The following CLASP2 variants were observed in gnomAD, a reference collection of about 807,000 sequenced individuals.
The protein encoded by CLASP2 is CLIP-associating protein 2.
Under a neutral mutation model 194.4 loss-of-function variants are expected in CLASP2, and 47 were observed. The observed-to-expected ratio is 0.24, with a 90% CI of 0.19 to 0.31. CLASP2 has a LOEUF of 0.31. Ranked by LOEUF, CLASP2 falls within the 10% of genes least tolerant of loss-of-function variation. The pLI is 1.00. For missense variants in CLASP2, 1,445 were observed against 1,823.6 expected (o/e 0.79, Z 3.78); for synonymous variants, 619 against 633.5 (o/e 0.98, Z 0.34).
intron 1 of CLASP2, among the ~76,000 whole-genome samples, chr3:33,699,872 CAAA>C (rs34347002): frequency 1.1e-5 from 1 of 93,920 alleles, no homozygotes; most frequent in Non-Finnish European, 2.3e-5. Flanking sequence ...ATTGTACTAC[CAAA>C]AAAAAAAAAA....
chr3:33,717,885 C>A lies in CLASP2; in HGVS notation c.118G>T (p.Asp40Tyr). The A allele has an allele frequency of 6.4e-7, 1 of 1,559,472 alleles. No individual in the cohort carries two copies. Among genetic ancestry groups the A allele is most frequent in the African/African-American group, 1.4e-5 (1 of 73,676 alleles). ...LYLGAPGAIS[D>Y]LEEDLGRLGK... ...AGGCGGCCCAGGTCCTCCTCCAGGT[C>A]CGAGATGGCGCCGGGGGCGCCAAGG... is the stretch of plus-strand genomic sequence containing the variant. The change falls in exon 1 of 39, where the codon GAC becomes TAC. Residue 40 changes from aspartate to tyrosine, a missense_variant. By Grantham distance (160) the Asp-to-Tyr change is radical. This residue lies in a region of CLASP2 where 332 missense variants were observed against 325.3 expected (regional missense o/e 1.02). Transcript: ENST00000682230.
intron 7 of CLASP2, chr3:33,658,943 A>G (rs2084798020): frequency 3.9e-6 from 6 of 1,519,018 alleles, no homozygotes; most frequent in Middle Eastern, 3.3e-4. Context: ...TGTATAACAC[A>G]AGCAAAAGAA....
intron 37 of CLASP2, chr3:33,502,726 C>T (rs2047121365): frequency 6.6e-6 from 1 of 152,256 alleles, no homozygotes; most frequent in Admixed American, 6.5e-5. Context: ...GAGCTCATCT[C>T]CACTAAAATC....
At chr3:33,504,985 T>A (rs768179852) in intron 37 of CLASP2, 1 of 152,206 alleles carries the variant, frequency 6.6e-6, no homozygotes, top group Non-Finnish European at 1.5e-5. Context: ...TTTTGGTGGA[T>A]TCCTCAGTAC....
At chr3:33,565,515 T>C (rs2062561402) in intron 27 of CLASP2, among the ~76,000 whole-genome samples, 1 of 151,972 alleles carries the variant, frequency 6.6e-6, no homozygotes, top group Non-Finnish European at 1.5e-5. Flanking sequence ...TACTTTATTA[T>C]AATAATACAG....
chr3:33,577,227 G>A (rs558277186), intron 23 of CLASP2: 108 of 1,597,862 alleles, frequency 6.8e-5, no homozygotes, highest in South Asian at 1.5e-4. Context: ...CTTCGGGGGC[G>A]TAGAGGGCAC....
At chr3:33,574,203 A>G (rs984246185) in intron 24 of CLASP2, among the ~76,000 whole-genome samples, 4 of 152,142 alleles carry the variant, frequency 2.6e-5, no homozygotes, top group African/African-American at 9.6e-5. Context: ...TGAGTGGTGA[A>G]GATGTCTATA....
In CLASP2 at chr3:33,510,730, A is replaced by C. The variant is rs766979627; in HGVS notation, c.4145T>G (p.Leu1382Trp). ...CTGCTCTGGACTAATTGAAGTGGCC[A>C]ACACTGATGCCGCTTCCTCAGCAGA... ...VRSAEEAASV[L>W]ATSISPEQCI... The change falls in exon 37 of 39, where the codon TTG (leucine) becomes TGG (tryptophan). Residue 1382 changes from leucine (L) to tryptophan (W), a missense_variant. Leu to Trp is a moderately conservative substitution (Grantham distance 61). This residue lies in a region of CLASP2 where 732 missense variants were observed against 987.9 expected (regional missense o/e 0.74). Transcript: ENST00000682230. 2 of 1,612,872 alleles carry C rather than the reference A, an allele frequency of 1.2e-6. No individual in the cohort carries two copies. The highest frequency in any genetic ancestry group is 2.2e-5 in the East Asian group (1 of 44,856).
chr3:33,510,513 C>A, intron 37 of CLASP2, 45 bp downstream of exon 37: 1 of 1,567,336 alleles, frequency 6.4e-7, no homozygotes, highest in Non-Finnish European at 8.8e-7. Flanking sequence ...ATAACTGTAT[C>A]CCAAATGTAT....
intron 29 of CLASP2, among the ~76,000 whole-genome samples, chr3:33,555,079 G>C (rs748130488): frequency 7.9e-5 from 12 of 152,000 alleles, no homozygotes; most frequent in Non-Finnish European, 1.8e-4. Context: ...TGAATTTTAT[G>C]TATTCTTACC....
chr3:33,686,765 G>C (rs974564153), intron 5 of CLASP2, among the ~76,000 whole-genome samples: 1 of 152,158 alleles, frequency 6.6e-6, no homozygotes, highest in African/African-American at 2.4e-5. Context: ...TAACATACAG[G>C]TAGACTGTAG....
chr3:33,574,907 T>A (rs1441797117), intron 24 of CLASP2, among the ~76,000 whole-genome samples: 1 of 152,130 alleles, frequency 6.6e-6, no homozygotes, highest in Non-Finnish European at 1.5e-5. Context: ...CAGAATCAGA[T>A]TACTGGGAGT....
rs57112524 is a variant in CLASP2 at position 33,548,763 on chromosome 3, CTT to C, written c.3153+2487_3153+2488del. Among the ~76,000 whole-genome samples, 440 of 93,104 alleles carry C rather than the reference CTT, an allele frequency of 4.7e-3. 1 individual carries two copies. The highest frequency in any genetic ancestry group is 0.018 in the African/African-American group (415 of 23,558). 61.1% of individuals were successfully genotyped at this position (93,104 alleles called of 152,430 possible). A position where few individuals can be genotyped will look rare whatever the true frequency, so the allele number is the denominator to read the frequency against. On this transcript the variant is annotated intron_variant, in intron 30 of 38. Transcript: ENST00000682230. ...ATAGGTAACGACTACGGTTTCATTT[CTT>C]TTTTTTTTTTTTTTTTTTTTTGAGT...
intron 20 of CLASP2, 102 bp downstream of exon 20, chr3:33,594,849 T>C (rs1023230948): frequency 8.6e-6 from 5 of 578,150 alleles, no homozygotes; most frequent in African/African-American, 3.9e-5. Flanking sequence ...TTATAAAGAG[T>C]TGCAAAGAAA....
At chr3:33,663,000 T>A (rs2085529366) in intron 7 of CLASP2, among the ~76,000 whole-genome samples, 1 of 152,028 alleles carries the variant, frequency 6.6e-6, no homozygotes, top group African/African-American at 2.4e-5. Flanking sequence ...ATGAGTCTCT[T>A]GATCAGTTAT....
rs1236035855 is a variant in CLASP2 at position 33,644,612 on chromosome 3, G to C, written c.862+145C>G. The C allele has an allele frequency of 1.4e-5, 11 of 805,206 alleles. 1 individual carries two copies. The South Asian group carries it at 1.8e-4, about 13-fold the overall frequency. 49.9% of individuals were successfully genotyped at this position (805,206 alleles called of 1,614,324 possible). A position where few individuals can be genotyped will look rare whatever the true frequency, so the allele number is the denominator to read the frequency against. On this transcript the variant is annotated intron_variant, in intron 8 of 38. Transcript: ENST00000682230. ...ATTTTATACATTTCAAAAGGGCATCGTATTCTTCTGAATGTTGCAACAGAC... is the reference window on the plus strand; with the variant it reads ...ATTTTATACATTTCAAAAGGGCATCCTATTCTTCTGAATGTTGCAACAGAC...
At chr3:33,531,856 A>G (rs1559889551) in intron 34 of CLASP2, among the ~76,000 whole-genome samples, 2 of 152,200 alleles carry the variant, frequency 1.3e-5, no homozygotes, top group Non-Finnish European at 2.9e-5. Context: ...TAAAACAACA[A>G]CAGCAACAAT....
intron 29 of CLASP2, chr3:33,558,732 T>G (rs1375299808): frequency 6.6e-6 from 1 of 152,546 alleles, no homozygotes; most frequent in Admixed American, 6.6e-5. Flanking sequence ...TAAGGATAAT[T>G]GAAGAAAGGG....
chr3:33,717,687 AG>A, intron 1 of CLASP2, 120 bp downstream of exon 1: 1 of 1,084,418 alleles, frequency 9.2e-7, no homozygotes, highest in South Asian at 1.5e-5. Context: ...TGCTTCCCAA[AG>A]TGTGTTTCCC....
Sources: allele counts gnomAD v4.1 joint callset (sites outside exome capture counted in the v4.1 genomes callset), GRCh38; gene constraint gnomAD v4.1.1; regional missense constraint gnomAD v4.1.1; transcripts MANE v1.5; gene names NCBI Gene and HGNC (gene_info 2026-07-23, HGNC 2026-07-21).